Variants in DIAPH2 observed in about 807,000 individuals in gnomAD.
DIAPH2 encodes the protein protein diaphanous homolog 2.
Under a neutral mutation model 92.7 loss-of-function variants are expected in DIAPH2, and 35 were observed. The observed-to-expected ratio is 0.38, with a 90% CI of 0.29 to 0.50. DIAPH2 has a LOEUF of 0.50. Among genes scored for constraint, DIAPH2 ranks in the 20% least tolerant of loss-of-function variants. The pLI, the probability that DIAPH2 is intolerant of heterozygous loss-of-function variation, is 0.94. For synonymous variants in DIAPH2, 301 were observed against 280.4 expected, an observed-to-expected ratio of 1.07 and a Z score of -0.73; for missense variants, 701 against 819.5, an observed-to-expected ratio of 0.86 and a Z score of 1.77.
chrX:96,777,379 G>A (rs1454926689), intron 4 of DIAPH2, among the ~76,000 whole-genome samples: 1 of 111,486 alleles, frequency 9.0e-6, no homozygotes, highest in Non-Finnish European at 1.9e-5. Flanking sequence ...TAATTATAAT[G>A]ATACATTTTT....
intron 26 of DIAPH2, among the ~76,000 whole-genome samples, chrX:97,568,511 G>T (rs1212457114): frequency 9.0e-6 from 1 of 111,719 alleles, no homozygotes; most frequent in Non-Finnish European, 1.9e-5. Context: ...GAATTGGGAT[G>T]ACCACAATAC....
intron 26 of DIAPH2, among the ~76,000 whole-genome samples, chrX:97,439,150 G>A (rs1032276424): frequency 4.5e-5 from 5 of 111,395 alleles, no homozygotes; most frequent in African/African-American, 1.6e-4. Flanking sequence ...AATAGGAGTT[G>A]GGCACAGTGG....
chrX:96,897,729 TTTA>T (rs1476042427), intron 5 of DIAPH2, among the ~76,000 whole-genome samples: 6 of 108,207 alleles, frequency 5.5e-5, no homozygotes, highest in African/African-American at 1.0e-4. Flanking sequence ...TAAATTTTAT[TTTA>T]TTATTATTAT....
intron 21 of DIAPH2, among the ~76,000 whole-genome samples, chrX:97,119,420 C>A (rs1394942049): frequency 9.0e-6 from 1 of 111,561 alleles, no homozygotes; most frequent in Non-Finnish European, 1.9e-5. Context: ...ATGGGCCTCT[C>A]AGCTGTAGAT....
At chrX:97,401,409 T>C (rs988854733) in intron 25 of DIAPH2, among the ~76,000 whole-genome samples, 2 of 111,276 alleles carry the variant, frequency 1.8e-5, no homozygotes, top group South Asian at 7.6e-4. Flanking sequence ...ACCTCCTTGC[T>C]TTCTCGAGGT....
At chrX:96,999,682 T>C (rs999153920) in intron 17 of DIAPH2, among the ~76,000 whole-genome samples, 6 of 110,458 alleles carry the variant, frequency 5.4e-5, no homozygotes, top group African/African-American at 2.0e-4. Context: ...ATGTATCCAT[T>C]GTTTTTGGTT....
rs771388433 is a variant in DIAPH2, at chrX:97,056,733, G to A, written c.2051-16208G>A. On this transcript the variant is annotated intron_variant, in intron 17 of 26. Transcript: ENST00000324765. ...ATGTAGTGCAGTGTTTGTAGAGGGG[G>A]CCATTAACTAGGAATTGATATTTAC... 8.0e-5 allele frequency among the ~76,000 whole-genome samples: 9 copies of A among 111,824 alleles called. No individual in the cohort carries two copies. The East Asian group carries it at 2.5e-3, about 31-fold the overall frequency.
Position 97,384,028 on chromosome X carries a change from C to A in DIAPH2, c.3129C>A (p.Leu1043=). The change falls in exon 25 of 27, where the codon CTC becomes CTA. Residue 1043 remains leucine, a synonymous_variant. Transcript: ENST00000324765. ...AACGCCAGAAGAAAAAGAAACAACT[C>A]ATTGATATAAACAAAGGTATGAAAA... is the stretch of plus-strand genomic sequence containing the variant. ...KLERQKKKKQ[L]IDINKEGDET... 8.4e-7 allele frequency: 1 copy of A among 1,192,289 alleles called. No homozygotes were observed.
At chrX:97,155,822 C>CT (rs1383865859) in intron 22 of DIAPH2, among the ~76,000 whole-genome samples, 1 of 111,084 alleles carries the variant, frequency 9.0e-6, no homozygotes, top group Non-Finnish European at 1.9e-5. Flanking sequence ...TAACTAGCAG[C>CT]TTTTTTTTAA....
intron 10 of DIAPH2, among the ~76,000 whole-genome samples, chrX:96,936,943 A>T (rs2065661609): frequency 1.8e-5 from 2 of 111,751 alleles, no homozygotes; most frequent in South Asian, 7.4e-4. Context: ...ACAGCATTTA[A>T]TTTGGGTTGT....
chrX:97,115,365 G>A (rs1395752458), intron 21 of DIAPH2, among the ~76,000 whole-genome samples: 8 of 109,785 alleles, frequency 7.3e-5, no homozygotes, highest in Non-Finnish European at 1.5e-4. Flanking sequence ...GTGAAACCCC[G>A]TCTCTACTAA....
intron 23 of DIAPH2, among the ~76,000 whole-genome samples, chrX:97,263,027 A>G (rs923360790): frequency 8.0e-5 from 9 of 112,473 alleles, no homozygotes; most frequent in Admixed American, 3.8e-4. Context: ...TTAAAAAGGT[A>G]TTATATGTAA....
chrX:96,799,499 G>A (rs1163201107), intron 4 of DIAPH2, among the ~76,000 whole-genome samples: 1 of 111,533 alleles, frequency 9.0e-6, no homozygotes, highest in Non-Finnish European at 1.9e-5. Context: ...TTTTATCTTG[G>A]GCACTGCATT....
intron 26 of DIAPH2, among the ~76,000 whole-genome samples, chrX:97,441,847 C>T (rs1448576781): frequency 1.8e-5 from 2 of 112,972 alleles, no homozygotes; most frequent in Non-Finnish European, 3.7e-5. Flanking sequence ...ATAAAATTTA[C>T]TTTTGGGACA....
chrX:97,079,122 C>T (rs147139110), intron 19 of DIAPH2, among the ~76,000 whole-genome samples: 4,321 of 110,699 alleles, frequency 0.039, 83 homozygotes, highest in Middle Eastern at 0.059. Flanking sequence ...TTTAATGTCA[C>T]ACACTCTCCG....
intron 5 of DIAPH2, among the ~76,000 whole-genome samples, chrX:96,905,779 C>G (rs1343819483): frequency 8.9e-6 from 1 of 111,841 alleles, no homozygotes; most frequent in African/African-American, 3.2e-5. Context: ...GTGAATTGGC[C>G]AGCACTAAAT....
At chrX:96,874,698 G>A (rs990856642) in intron 4 of DIAPH2, among the ~76,000 whole-genome samples, 2 of 111,735 alleles carry the variant, frequency 1.8e-5, no homozygotes, top group African/African-American at 6.5e-5. Context: ...GAAGGTTAGT[G>A]TTTTGGGATT....
At chrX:97,570,637 T>G (rs1267012230) in intron 26 of DIAPH2, among the ~76,000 whole-genome samples, 1 of 110,863 alleles carries the variant, frequency 9.0e-6, no homozygotes, top group African/African-American at 3.3e-5. Flanking sequence ...CCAGGGAATC[T>G]AAAATGGGGG....
intron 1 of DIAPH2, among the ~76,000 whole-genome samples, chrX:96,719,795 T>C (rs969188958): frequency 2.0e-4 from 23 of 112,274 alleles, no homozygotes; most frequent in African/African-American, 6.8e-4. Context: ...GTATAACAGT[T>C]ACCATTTAAA....
Sources: allele counts gnomAD v4.1 joint callset (sites outside exome capture counted in the v4.1 genomes callset), GRCh38; gene constraint gnomAD v4.1.1; transcripts MANE v1.5; gene names NCBI Gene and HGNC (gene_info 2026-07-23, HGNC 2026-07-21).